The following CRPPA variants were observed in gnomAD, a reference collection of about 807,000 sequenced individuals.
CRPPA encodes D-ribitol-5-phosphate cytidylyltransferase.
Under a neutral mutation model 52.0 loss-of-function variants are expected in CRPPA, and 43 were observed. The observed-to-expected ratio is 0.83, with a 90% confidence interval of 0.65 to 1.07. The LOEUF (loss-of-function observed/expected upper bound fraction) is 1.07. CRPPA is among the 50% of genes least tolerant of loss of function. CRPPA has a pLI of 0.00. For missense variants in CRPPA, 629 were observed against 551.7 expected (o/e 1.14, Z -1.40); for synonymous variants, 250 against 203.5 (o/e 1.23, Z -1.94).
chr7:16,224,224 A>C (rs1918269), intron 8 of CRPPA, among the ~76,000 whole-genome samples: 111,712 of 151,612 alleles, frequency 0.74, 41,186 homozygotes, highest in Admixed American at 0.81. Flanking sequence ...GTTTGTCTAG[A>C]ATTCATTTAA....
At chr7:16,230,673 A>C (rs766043996) in intron 8 of CRPPA, among the ~76,000 whole-genome samples, 7 of 151,950 alleles carry the variant, frequency 4.6e-5, no homozygotes, top group Non-Finnish European at 5.9e-5. Context: ...CATTTTTTTC[A>C]TATGGTCATG....
intron 5 of CRPPA, among the ~76,000 whole-genome samples, chr7:16,286,087 TAAA>T (rs1206296972): frequency 1.9e-4 from 3 of 15,516 alleles, no homozygotes; most frequent in African/African-American, 1.0e-3. Context: ...ATATAATATT[TAAA>T]AAAAAAAATA....
At chr7:16,343,907 G>T (rs1013987373) in intron 3 of CRPPA, among the ~76,000 whole-genome samples, 2 of 152,172 alleles carry the variant, frequency 1.3e-5, no homozygotes, top group African/African-American at 4.8e-5. Flanking sequence ...CCCTACACAT[G>T]CATAGAGCCC....
At chr7:16,401,069 T>C (rs1165574718) in intron 2 of CRPPA, among the ~76,000 whole-genome samples, 7 of 152,180 alleles carry the variant, frequency 4.6e-5, no homozygotes, top group African/African-American at 7.2e-5. Flanking sequence ...GGCCACCTGC[T>C]TGAACTCAAT....
intron 3 of CRPPA, among the ~76,000 whole-genome samples, chr7:16,320,618 C>T (rs1462787462): frequency 1.3e-5 from 2 of 152,076 alleles, no homozygotes; most frequent in Admixed American, 1.3e-4. Context: ...AAAACTAAAT[C>T]AAAGGTATGC....
At chr7:16,407,842 C>T (rs1362725432) in intron 1 of CRPPA, among the ~76,000 whole-genome samples, 3 of 152,150 alleles carry the variant, frequency 2.0e-5, no homozygotes, top group South Asian at 2.1e-4. Flanking sequence ...CATGGTGGCT[C>T]ATGCCTGTAA....
chr7:16,294,012 G>A (rs181318604), intron 5 of CRPPA, among the ~76,000 whole-genome samples: 3 of 151,920 alleles, frequency 2.0e-5, no homozygotes, highest in South Asian at 2.1e-4. Context: ...GTGTGTCCAT[G>A]TCATTTTTTC....
At chr7:16,224,824 A>G (rs955083164) in intron 8 of CRPPA, among the ~76,000 whole-genome samples, 7 of 152,174 alleles carry the variant, frequency 4.6e-5, no homozygotes, top group African/African-American at 1.7e-4. Context: ...TAAGAATTAG[A>G]TTCCATTAAT....
At chr7:16,356,471 G>T (rs4517017) in intron 3 of CRPPA, among the ~76,000 whole-genome samples, 3,187 of 152,214 alleles carry the variant, frequency 0.021, 104 homozygotes, top group African/African-American at 0.071. Flanking sequence ...GCCTCTGACT[G>T]CTCTGCTTTA....
intron 1 of CRPPA, among the ~76,000 whole-genome samples, chr7:16,407,381 C>T (rs1787979818): frequency 6.6e-6 from 1 of 152,248 alleles, no homozygotes; most frequent in South Asian, 2.1e-4. Flanking sequence ...TCTGGAACAC[C>T]ACTGCTAATG....
At chr7:16,411,909 T>G (rs1788084707) in intron 1 of CRPPA, among the ~76,000 whole-genome samples, 1 of 152,182 alleles carries the variant, frequency 6.6e-6, no homozygotes, top group South Asian at 2.1e-4. Flanking sequence ...GGTTAAACTT[T>G]TAAGGAAATC....
At chr7:16,420,100 AC>A (rs1398951182) in intron 1 of CRPPA, among the ~76,000 whole-genome samples, 1 of 152,148 alleles carries the variant, frequency 6.6e-6, no homozygotes, top group African/African-American at 2.4e-5. Flanking sequence ...TTTCTGGGGA[AC>A]GTGCCACTTC....
At chr7:16,347,974 T>C (rs931823350) in intron 3 of CRPPA, among the ~76,000 whole-genome samples, 1 of 152,148 alleles carries the variant, frequency 6.6e-6, no homozygotes, top group African/African-American at 2.4e-5. Flanking sequence ...CCTCATCCTC[T>C]GAGAGCAGTG....
intron 9 of CRPPA, among the ~76,000 whole-genome samples, chr7:16,214,869 C>T (rs544410721): frequency 3.3e-5 from 5 of 152,288 alleles, no homozygotes; most frequent in South Asian, 4.1e-4. Context: ...TATCTGTCCT[C>T]GGGCAAATAT....
chr7:16,199,854 C>CTTT (rs68003825), intron 9 of CRPPA, among the ~76,000 whole-genome samples: 18 of 120,116 alleles, frequency 1.5e-4, no homozygotes, highest in South Asian at 2.7e-4. Context: ...TAAGCTTTTT[C>CTTT]TTTTTTTTTT....
chr7:16,132,856 T>C (rs1782704477), intron 9 of CRPPA, among the ~76,000 whole-genome samples: 1 of 124,232 alleles, frequency 8.0e-6, no homozygotes, highest in Non-Finnish European at 1.8e-5. Context: ...CCCAAATCTA[T>C]TGTAAAAAGT....
intron 2 of CRPPA, among the ~76,000 whole-genome samples, chr7:16,392,875 T>A (rs757325637): frequency 7.2e-5 from 11 of 152,152 alleles, no homozygotes; most frequent in Non-Finnish European, 1.0e-4. Context: ...TCTTTCCACC[T>A]GGATACTCCA....
chr7:16,311,825 G>A (rs1330311052), intron 3 of CRPPA, among the ~76,000 whole-genome samples: 1 of 152,048 alleles, frequency 6.6e-6, no homozygotes, highest in Non-Finnish European at 1.5e-5. Flanking sequence ...TTTATTTTTG[G>A]CATGTGGTTG....
chr7:16,278,757 T>C (rs937514471), intron 5 of CRPPA, among the ~76,000 whole-genome samples: 2 of 152,202 alleles, frequency 1.3e-5, no homozygotes, highest in African/African-American at 4.8e-5. Flanking sequence ...TAAAAACAAC[T>C]GAAAGAATTT....
Sources: gnomAD v4.1 joint callset for allele counts (sites outside exome capture counted in the v4.1 genomes callset) on GRCh38, gnomAD v4.1.1 for gene constraint, MANE v1.5 for transcripts, NCBI Gene and HGNC (gene_info 2026-07-23, HGNC 2026-07-21) for gene names.